Variants in PAWR observed in about 807,000 individuals in gnomAD.
The protein encoded by PAWR is pro-apoptotic WT1 regulator.
A neutral mutation model predicts 32.0 loss-of-function variants in PAWR; 23 were observed. The ratio of observed to expected loss-of-function variants is 0.72; its 90% CI spans 0.52 to 1.02. The LOEUF is 1.02. PAWR is among the 50% of genes least tolerant of loss of function. The probability of loss-of-function intolerance (pLI) is 0.00; values close to 1 mark genes in which losing one functional copy is unlikely to be tolerated. For missense variants in PAWR, 457 were observed against 437.7 expected, an observed-to-expected ratio of 1.04 and a Z score of -0.39; for synonymous variants, 226 against 187.1, an observed-to-expected ratio of 1.21 and a Z score of -1.70.
chr12:79,621,793 G>A (rs7305141), intron 2 of PAWR, among the ~76,000 whole-genome samples: 131,127 of 152,140 alleles, frequency 0.86, 56,995 homozygotes, highest in African/African-American at 0.97. Flanking sequence ...CAGCATATTG[G>A]AAAAGCTTAC....
At chr12:79,616,009 A>T (rs1194669887) in intron 3 of PAWR, among the ~76,000 whole-genome samples, 1 of 150,056 alleles carries the variant, frequency 6.7e-6, no homozygotes, top group Non-Finnish European at 1.5e-5. Flanking sequence ...GTGAGCTGAG[A>T]TCACACTACT....
At chr12:79,632,662 T>C (rs1875765840) in intron 2 of PAWR, among the ~76,000 whole-genome samples, 1 of 151,730 alleles carries the variant, frequency 6.6e-6, no homozygotes, top group Admixed American at 6.6e-5. Flanking sequence ...CAGCATACCA[T>C]GTGCCCAGCC....
At chr12:79,670,769 A>G (rs1023885274) in intron 2 of PAWR, among the ~76,000 whole-genome samples, 2 of 152,308 alleles carry the variant, frequency 1.3e-5, no homozygotes, top group Admixed American at 6.5e-5. Context: ...TCAAATTTTA[A>G]GTGTACTTCA....
intron 3 of PAWR, 32 bp from the exon 4 acceptor site, chr12:79,613,641 G>A: frequency 8.0e-7 from 1 of 1,245,724 alleles, no homozygotes. Context: ...GTATCAGTTT[G>A]AGTATGTATG....
chr12:79,594,002 C>G (rs1873654876), intron 6 of PAWR, among the ~76,000 whole-genome samples: 1 of 151,992 alleles, frequency 6.6e-6, no homozygotes, highest in South Asian at 2.1e-4. Flanking sequence ...CAGCGCCTGG[C>G]CAATTTTAGA....
In PAWR at chr12:79,690,387, C is replaced by T. The variant is rs563504245; in HGVS notation, c.-143G>A. 2 of 1,345,816 alleles carry T rather than the reference C, an allele frequency of 1.5e-6. No homozygotes were observed. Among genetic ancestry groups the T allele is most frequent in the Middle Eastern group, 2.8e-4 (1 of 3,592 alleles). The allele number at this position is 1,345,816 out of a possible 1,614,324, so 83.4% of individuals were successfully genotyped here. ...CGGCCGCCGCTCCCACAGCAGCCGGCGGGGCTGAGGTGAAAGACAAAAGGG... is the reference window on the plus strand; with the variant it reads ...CGGCCGCCGCTCCCACAGCAGCCGGTGGGGCTGAGGTGAAAGACAAAAGGG... On this transcript the variant is annotated 5_prime_UTR_variant, in exon 2 of 7. Coordinates refer to ENST00000328827, the MANE Select transcript of PAWR (RefSeq NM_002583.4).
intron 3 of PAWR, 47 bp from the exon 4 acceptor site, chr12:79,613,656 C>T (rs1592501081): frequency 2.0e-6 from 2 of 980,416 alleles, no homozygotes; most frequent in South Asian, 1.7e-5. Context: ...TGTATGTACA[C>T]AATTACTTAT....
chr12:79,643,267 C>T (rs542066103), intron 2 of PAWR, among the ~76,000 whole-genome samples: 1 of 152,036 alleles, frequency 6.6e-6, no homozygotes, highest in Non-Finnish European at 1.5e-5. Flanking sequence ...TTATATAGTA[C>T]CCTTAACTTT....
chr12:79,665,258 A>G (rs771932166), intron 2 of PAWR, among the ~76,000 whole-genome samples: 43 of 152,344 alleles, frequency 2.8e-4, no homozygotes, highest in South Asian at 1.0e-3. Flanking sequence ...TAACTATTCT[A>G]TTAAGTTCCA....
intron 6 of PAWR, among the ~76,000 whole-genome samples, chr12:79,593,540 TA>T (rs1355621372): frequency 6.6e-6 from 1 of 151,580 alleles, no homozygotes; most frequent in Non-Finnish European, 1.5e-5. Context: ...TCTTGCAGTT[TA>T]AAATAATAAA....
At chr12:79,609,505 C>T (rs1433378519) in intron 4 of PAWR, among the ~76,000 whole-genome samples, 1 of 151,988 alleles carries the variant, frequency 6.6e-6, no homozygotes, top group African/African-American at 2.4e-5. Context: ...TTTCCAAAAC[C>T]ACCCATGGCC....
chr12:79,643,201 G>A (rs1037488413), intron 2 of PAWR, among the ~76,000 whole-genome samples: 1 of 152,078 alleles, frequency 6.6e-6, no homozygotes, highest in Non-Finnish European at 1.5e-5. Context: ...ATATCAGAGG[G>A]AGGAAAGAAA....
In PAWR at chr12:79,655,070, A is replaced by G. The variant is rs8176820; in HGVS notation, c.517-33863T>C. ...GTACTCTATAGGAAAAGTTAAGGAA[A>G]TAAGAGAAAGTATAAATTTGCTTAG... is the stretch of plus-strand genomic sequence containing the variant. On this transcript the variant is annotated intron_variant, in intron 2 of 6. Coordinates refer to ENST00000328827, the MANE Select transcript of PAWR (RefSeq NM_002583.4). Among the ~76,000 whole-genome samples the G allele has an allele frequency of 4.8e-3, 735 of 152,338 alleles. 7 individuals carry two copies. The highest frequency in any genetic ancestry group is 0.017 in the African/African-American group (698 of 41,572).
At position 79,592,130 on chromosome 12, in the gene PAWR, A is replaced by G. The variant is rs1873577447; in HGVS notation, c.*477T>C. The G allele has an allele frequency of 6.5e-6, 1 of 153,078 alleles. No homozygotes were observed. Among genetic ancestry groups the G allele is most frequent in the Admixed American group, 6.5e-5 (1 of 15,294 alleles). The allele number at this position is 153,078 out of a possible 1,614,324, so 9.5% of individuals were successfully genotyped here. A position where few individuals can be genotyped will look rare whatever the true frequency, so the allele number is the denominator to read the frequency against. On this transcript the variant is annotated 3_prime_UTR_variant, in exon 7 of 7. Coordinates refer to ENST00000328827, the MANE Select transcript of PAWR (RefSeq NM_002583.4). ...CTCTATTACTCTAAATGCTTAGAAT[A>G]AGTGGAAAGAACAAATGACAGTAGA...
intron 2 of PAWR, among the ~76,000 whole-genome samples, chr12:79,675,942 TTAAAAGGTGA>T (rs1392109164): frequency 6.6e-6 from 1 of 152,046 alleles, no homozygotes; most frequent in Admixed American, 6.5e-5. Flanking sequence ...AGGCTAGTAT[TTAAAAGGTGA>T]CACTGACCCC....
At chr12:79,640,781 C>T (rs1211733919) in intron 2 of PAWR, among the ~76,000 whole-genome samples, 6 of 152,160 alleles carry the variant, frequency 3.9e-5, no homozygotes, top group Non-Finnish European at 8.8e-5. Context: ...ATACACATAT[C>T]CCTGGCATGT....
In PAWR at chr12:79,585,088, T is replaced by C. The variant is rs376903125; in HGVS notation, c.*7519A>G. The C allele has an allele frequency of 1.5e-4, 66 of 428,592 alleles. No homozygotes were observed. The highest frequency in any genetic ancestry group is 1.1e-3 in the South Asian group (65 of 58,366). 26.5% of individuals were successfully genotyped at this position (428,592 alleles called of 1,614,324 possible). On this transcript the variant is annotated 3_prime_UTR_variant, in exon 7 of 7. Transcript: ENST00000328827. ...AATGGGGGTTATGTCAGGATGCCAA[T>C]GTCCATGCTGAGGCTTCTCCTGATA...
chr12:79,617,950 T>C (rs1471134665), intron 3 of PAWR, among the ~76,000 whole-genome samples: 2 of 152,140 alleles, frequency 1.3e-5, no homozygotes, highest in African/African-American at 4.8e-5. Flanking sequence ...CCTCCATGAG[T>C]AGCTCCCTGA....
chr12:79,596,442 T>C, intron 5 of PAWR, 69 bp downstream of exon 5: 2 of 757,162 alleles, frequency 2.6e-6, no homozygotes, highest in South Asian at 2.0e-5. Flanking sequence ...TCTCACTCAG[T>C]TGCTATGAAA....
Sources: allele counts gnomAD v4.1 joint callset (sites outside exome capture counted in the v4.1 genomes callset), GRCh38; gene constraint gnomAD v4.1.1; transcripts MANE v1.5; gene names NCBI Gene and HGNC (gene_info 2026-07-23, HGNC 2026-07-21).